Variants in GTF2IRD1 observed in about 807,000 individuals in gnomAD.
The protein encoded by GTF2IRD1 is GTF2I repeat domain containing 1, also known as general transcription factor II-I repeat domain-containing protein 1.
Under a neutral mutation model 113.2 loss-of-function variants are expected in GTF2IRD1, and 26 were observed. That is an observed-to-expected ratio of 0.23 (90% confidence interval 0.17 to 0.32). The LOEUF (loss-of-function observed/expected upper bound fraction) is 0.32, where lower values mean the gene tolerates loss of function less well. Ranked by LOEUF, GTF2IRD1 falls within the 10% of genes least tolerant of loss-of-function variation. GTF2IRD1 has a pLI of 1.00. For synonymous variants in GTF2IRD1, 484 were observed against 529.1 expected (o/e 0.91, Z 1.17); for missense variants, 864 against 1,280.8 (o/e 0.67, Z 4.97).
rs1264159828 is a variant in GTF2IRD1 at position 74,538,127 on chromosome 7, C to T, written c.1410-9C>T. ...GCTGACAGGTGTCATTTCCTGCTTCCCTTCACAGGTCAGACAAGGGCAGCA... is the reference window on the plus strand; with the variant it reads ...GCTGACAGGTGTCATTTCCTGCTTCTCTTCACAGGTCAGACAAGGGCAGCA... On this transcript the variant is annotated splice_polypyrimidine_tract_variant and intron_variant, in intron 11 of 26. Coordinates refer to ENST00000424337, the MANE Select transcript of GTF2IRD1 (RefSeq NM_005685.4). The T allele has an allele frequency of 1.9e-6, 3 of 1,611,824 alleles. No homozygotes were observed. The African/African-American group carries it at 4.0e-5, about 22-fold the overall frequency.
chr7:74,520,650 C>T (rs1234076270), intron 6 of GTF2IRD1, among the ~76,000 whole-genome samples: 2 of 150,734 alleles, frequency 1.3e-5, no homozygotes, highest in Non-Finnish European at 2.9e-5. Flanking sequence ...TGAATTAAAG[C>T]GCTGGGTCTT....
In GTF2IRD1 at chr7:74,512,804, G is replaced by T; in HGVS notation, c.124-26G>T. 1 of 1,610,636 alleles carries T rather than the reference G, an allele frequency of 6.2e-7. No homozygotes were observed. The highest frequency in any genetic ancestry group is 8.5e-7 in the Non-Finnish European group (1 of 1,178,368). On this transcript the variant is annotated intron_variant, in intron 2 of 26. Transcript: ENST00000424337. This position sits in a 1 kb window ranked among gnomAD's most constrained non-coding sequence, Gnocchi z 4.4. ...TGTTCGGAGTATGGGGAGCCCTTCCGCTCACACAGCCTGCCCTTCCCACAG... is the reference window on the plus strand; with the variant it reads ...TGTTCGGAGTATGGGGAGCCCTTCCTCTCACACAGCCTGCCCTTCCCACAG...
At chr7:74,547,755 C>CTTTT (rs587743253) in intron 17 of GTF2IRD1, among the ~76,000 whole-genome samples, 7 of 114,242 alleles carry the variant, frequency 6.1e-5, no homozygotes, top group Non-Finnish European at 8.9e-5. Context: ...TTCTCTCTCT[C>CTTTT]TTTTTTTTTT....
At chr7:74,496,946 G>A (rs1399702263) in intron 1 of GTF2IRD1, among the ~76,000 whole-genome samples, 2 of 152,126 alleles carry the variant, frequency 1.3e-5, no homozygotes, top group African/African-American at 4.8e-5. Flanking sequence ...AGGATTGTTT[G>A]AGGCCAGGTG....
chr7:74,549,516 A>G (rs1446883137), intron 17 of GTF2IRD1, among the ~76,000 whole-genome samples: 1 of 152,186 alleles, frequency 6.6e-6, no homozygotes, highest in African/African-American at 2.4e-5. Flanking sequence ...CATGACACAC[A>G]AAGAGCAGAT....
intron 1 of GTF2IRD1, among the ~76,000 whole-genome samples, chr7:74,480,502 G>A (rs538806286): frequency 1.3e-5 from 2 of 152,314 alleles, no homozygotes; most frequent in African/African-American, 2.4e-5. Flanking sequence ...CTGACAGCCC[G>A]GAGATTAGTC....
chr7:74,539,050 G>A (rs1473243963), intron 13 of GTF2IRD1, among the ~76,000 whole-genome samples: 2 of 152,196 alleles, frequency 1.3e-5, no homozygotes, highest in Middle Eastern at 3.2e-3. Context: ...GGGTGTGAGA[G>A]GCTCTGAGTT....
At chr7:74,506,072 A>C (rs577629160) in intron 1 of GTF2IRD1, 1 of 152,392 alleles carries the variant, frequency 6.6e-6, no homozygotes, top group Non-Finnish European at 1.5e-5. Flanking sequence ...ATCCACAGCC[A>C]AAAAGCAGAG....
intron 4 of GTF2IRD1, among the ~76,000 whole-genome samples, chr7:74,517,553 G>A (rs1797022684): frequency 6.7e-6 from 1 of 149,200 alleles, no homozygotes; most frequent in African/African-American, 2.5e-5. Context: ...CCAAGTAGCT[G>A]GGATTACAGG....
intron 1 of GTF2IRD1, among the ~76,000 whole-genome samples, chr7:74,481,241 A>G (rs1554334593): frequency 6.6e-6 from 1 of 152,158 alleles, no homozygotes; most frequent in Non-Finnish European, 1.5e-5. Flanking sequence ...TGCATTCTTG[A>G]ACTCCTGGGC....
At chr7:74,602,305 T>A (rs1802808231) in intron 26 of GTF2IRD1, 60 bp from the exon 27 acceptor site, 2 of 1,574,434 alleles carry the variant, frequency 1.3e-6, no homozygotes, top group Non-Finnish European at 1.7e-6. Flanking sequence ...GAACTAAGCA[T>A]TTTGGGTTTG....
At chr7:74,459,519 T>C (rs1554328505) in intron 1 of GTF2IRD1, among the ~76,000 whole-genome samples, 1 of 151,898 alleles carries the variant, frequency 6.6e-6, no homozygotes, top group African/African-American at 2.4e-5. Flanking sequence ...GAGGATGTAC[T>C]TTATCTTACA....
At chr7:74,480,758 C>T (rs1039385382) in intron 1 of GTF2IRD1, among the ~76,000 whole-genome samples, 8 of 152,200 alleles carry the variant, frequency 5.3e-5, no homozygotes, top group Admixed American at 3.9e-4. Context: ...GGCGGAGTCC[C>T]TCCGTGCCCG....
At chr7:74,593,117 A>G (rs1370374559) in intron 24 of GTF2IRD1, among the ~76,000 whole-genome samples, 1 of 151,780 alleles carries the variant, frequency 6.6e-6, no homozygotes, top group East Asian at 2.0e-4. Context: ...TTGGCCTCCC[A>G]AAGTACTGGG....
intron 12 of GTF2IRD1, 101 bp from the exon 13 acceptor site, chr7:74,538,579 C>T: frequency 9.7e-6 from 8 of 821,436 alleles, no homozygotes; most frequent in Non-Finnish European, 2.2e-6. Context: ...TAGGTAGGGC[C>T]TCACTAACAA....
intron 22 of GTF2IRD1, among the ~76,000 whole-genome samples, chr7:74,577,675 A>G (rs75038556): frequency 6.6e-6 from 1 of 150,666 alleles, no homozygotes; most frequent in African/African-American, 2.4e-5. Flanking sequence ...TTTTTTTTAA[A>G]GACAGTCTCC....
chr7:74,534,746 TACA>T (rs1397300602), intron 9 of GTF2IRD1, among the ~76,000 whole-genome samples: 1 of 148,656 alleles, frequency 6.7e-6, no homozygotes, highest in Non-Finnish European at 1.5e-5. Context: ...TAGATTAAAG[TACA>T]ACAATTAGCA....
intron 1 of GTF2IRD1, among the ~76,000 whole-genome samples, chr7:74,485,391 G>T (rs1794962947): frequency 6.6e-6 from 1 of 152,182 alleles, no homozygotes; most frequent in Admixed American, 6.5e-5. Context: ...GCCGAGGCGG[G>T]CGGATCACGA....
At chr7:74,500,077 T>A (rs948875938) in intron 1 of GTF2IRD1, among the ~76,000 whole-genome samples, 1 of 152,238 alleles carries the variant, frequency 6.6e-6, no homozygotes, top group African/African-American at 2.4e-5. Flanking sequence ...CCCCCATGTG[T>A]GCCCCTGCCG....
Sources: allele counts gnomAD v4.1 joint callset (sites outside exome capture counted in the v4.1 genomes callset), GRCh38; gene constraint gnomAD v4.1.1; non-coding constraint Gnocchi (gnomAD v3.1); transcripts MANE v1.5; gene names NCBI Gene and HGNC (gene_info 2026-07-23, HGNC 2026-07-21).